Variants in EXOSC8 observed in about 807,000 individuals in gnomAD.
EXOSC8 encodes the protein exosome complex component RRP43.
Under a neutral mutation model 39.9 loss-of-function variants are expected in EXOSC8, and 37 were observed. The observed-to-expected ratio is 0.93, with a 90% CI of 0.71 to 1.22. The LOEUF (loss-of-function observed/expected upper bound fraction) is 1.22. Ranked by LOEUF, EXOSC8 falls within the 50% of genes most tolerant of loss-of-function variation. The probability of loss-of-function intolerance (pLI) is 0.00; values close to 1 mark genes in which losing one functional copy is unlikely to be tolerated. For synonymous variants in EXOSC8, 93 were observed against 109.5 expected, an observed-to-expected ratio of 0.85 and a Z score of 0.94; for missense variants, 313 against 326.6, an observed-to-expected ratio of 0.96 and a Z score of 0.32.
At chr13:37,005,178 T>C (rs2059130253) in intron 5 of EXOSC8, among the ~76,000 whole-genome samples, 1 of 152,218 alleles carries the variant, frequency 6.6e-6, no homozygotes, top group African/African-American at 2.4e-5. Flanking sequence ...ACCTTTTGTT[T>C]CCATAAAGAT....
chr13:37,003,744 G>C (rs964909362), intron 4 of EXOSC8: 2 of 152,234 alleles, frequency 1.3e-5, no homozygotes, highest in African/African-American at 4.8e-5. Context: ...CCTAGGAGTA[G>C]ACACTATTTT....
chr13:37,008,452 A>G (rs2138854711), intron 9 of EXOSC8, among the ~76,000 whole-genome samples: 1 of 152,334 alleles, frequency 6.6e-6, no homozygotes, highest in Non-Finnish European at 1.5e-5. Context: ...GGATTTTAGC[A>G]CGTTCAGAAA....
In EXOSC8 at chr13:37,006,159, A is replaced by G; in HGVS notation, c.389A>G (p.Lys130Arg). 2 of 1,602,560 alleles carry G rather than the reference A, an allele frequency of 1.2e-6. No homozygotes were observed. The highest frequency in any genetic ancestry group is 1.1e-5 in the South Asian group (1 of 90,460). The change falls in exon 7 of 11, where the codon AAG becomes AGG. Residue 130 changes from lysine to arginine, a missense_variant and splice_region_variant. Lys to Arg is a conservative substitution (Grantham distance 26, BLOSUM62 2). Coordinates refer to ENST00000389704, the MANE Select transcript of EXOSC8 (RefSeq NM_181503.3). ...GAGGACTTATGCATTTCTCCAGGAA[A>G]GGTAAGAGGAATAGAGAAGCTATAA... Reference protein sequence around the residue: ...QKEDLCISPGKLVWVLYCDLI... With the variant: ...QKEDLCISPGRLVWVLYCDLI...
At chr13:37,004,445 C>G in intron 4 of EXOSC8, 71 bp from the exon 5 acceptor site, 1 of 1,074,424 alleles carries the variant, frequency 9.3e-7, no homozygotes, top group Non-Finnish European at 1.4e-6. Flanking sequence ...CCTTCCATAA[C>G]TGATTGCTAA....
In EXOSC8 at chr13:37,000,830, T is replaced by TTGGCGGG; in HGVS notation, c.17+17_17+23dup. On this transcript the variant is annotated intron_variant, in intron 1 of 10. Transcript: ENST00000389704. ...GATGGCGGCTGGGTTCAAGTGAGTG[T>TTGGCGGG]TGGCGGGTGGCGGGTAGAGTTCTGT... 1.3e-6 allele frequency: 2 copies of TTGGCGGG among 1,572,362 alleles called. No homozygotes were observed. The highest frequency in any genetic ancestry group is 1.7e-6 in the Non-Finnish European group (2 of 1,159,372).
Position 37,008,040 on chromosome 13 carries a change from A to G in EXOSC8, c.488-17A>G. The G allele has an allele frequency of 1.3e-6, 2 of 1,560,530 alleles. No homozygotes were observed. Among genetic ancestry groups the G allele is most frequent in the Admixed American group, 1.8e-5 (1 of 54,128 alleles). ...TTCTTAGAGACTTACTTACTTTACA[A>G]ATTTGCCTTTTCTTAGTACAGTTGC... is the stretch of plus-strand genomic sequence containing the variant. On this transcript the variant is annotated splice_polypyrimidine_tract_variant and intron_variant, in intron 8 of 10. Transcript: ENST00000389704.
At chr13:37,009,070 T>TTTC in intron 10 of EXOSC8, 114 bp from the exon 11 acceptor site, 1 of 744,420 alleles carries the variant, frequency 1.3e-6, no homozygotes, top group Non-Finnish European at 2.3e-6. Context: ...ATCTTGAGAC[T>TTTC]GTACCCTGAT....
chr13:37,003,058 T>G (rs775039963), intron 4 of EXOSC8, 51 bp downstream of exon 4: 4 of 1,117,086 alleles, frequency 3.6e-6, no homozygotes, highest in Non-Finnish European at 5.5e-6. Context: ...TTAGCTTTAT[T>G]TATTAGATTG....
chr13:37,000,970 C>T, intron 1 of EXOSC8, 148 bp downstream of exon 1: 1 of 1,024,070 alleles, frequency 9.8e-7, no homozygotes, highest in Non-Finnish European at 1.4e-6. Context: ...GCGGGAGGAC[C>T]TGGAGGTTGT....
chr13:37,007,046 T>A lies in EXOSC8; in HGVS notation c.462T>A (p.Phe154Leu). The A allele has an allele frequency of 1.9e-6, 3 of 1,612,936 alleles. No homozygotes were observed. Among genetic ancestry groups the A allele is most frequent in the Non-Finnish European group, 2.5e-6 (3 of 1,178,864 alleles). The change falls in exon 8 of 11, where the codon TTT becomes TTA. Residue 154 changes from phenylalanine (F) to leucine (L), a missense_variant. Phe to Leu is a conservative substitution (Grantham distance 22, BLOSUM62 0). Transcript: ENST00000389704. ...GAAACATTTTGGATGCCTGCACATT[T>A]GCTTTGCTAGCGGCTTTAAAAAATG... Reference protein sequence around the residue: ...YDGNILDACTFALLAALKNVQ... With the variant: ...YDGNILDACTLALLAALKNVQ...
At chr13:37,007,452 A>G (rs1294302146) in intron 8 of EXOSC8, among the ~76,000 whole-genome samples, 1 of 152,220 alleles carries the variant, frequency 6.6e-6, no homozygotes, top group Non-Finnish European at 1.5e-5. Context: ...CCATAGTAAT[A>G]GGGAAGTTTC....
chr13:37,008,829 A>G lies in EXOSC8; in HGVS notation c.709A>G (p.Lys237Glu). 1.3e-6 allele frequency: 2 copies of G among 1,593,568 alleles called. No individual in the cohort carries two copies. The highest frequency in any genetic ancestry group is 1.7e-6 in the Non-Finnish European group (2 of 1,164,796). ...GGAAGGCAAACTCTGTTGTCTTCAC[A>G]AACCAGGCATGTTCCCGCCACTTCA... Reference protein sequence around the residue: ...DEEGKLCCLHKPGGSGLTGAK... With the variant: ...DEEGKLCCLHEPGGSGLTGAK... The change falls in exon 10 of 11, where the codon AAA becomes GAA. Residue 237 changes from lysine to glutamate, a missense_variant. Coordinates refer to ENST00000389704, the MANE Select transcript of EXOSC8 (RefSeq NM_181503.3).
intron 10 of EXOSC8, among the ~76,000 whole-genome samples, 156 bp downstream of exon 10, chr13:37,008,991 A>G (rs190377694): frequency 3.3e-5 from 5 of 152,342 alleles, no homozygotes; most frequent in Non-Finnish European, 5.9e-5. Flanking sequence ...TTAATGGTAT[A>G]TGTCAGTGGT....
chr13:37,000,894 G>C, intron 1 of EXOSC8, 72 bp downstream of exon 1: 1 of 1,435,474 alleles, frequency 7.0e-7, no homozygotes, highest in Non-Finnish European at 9.2e-7. Flanking sequence ...TCTTAGCTGG[G>C]ATTCTCTCAC....
chr13:37,008,178 G>A lies in EXOSC8; in HGVS notation c.608+1G>A. Reference sequence around the variant, plus strand: ...CAACTTCCTTTGCTGTGTTTGATGAGTAAGTTAATCAAACTTACTTTAAAA... The same window carrying A: ...CAACTTCCTTTGCTGTGTTTGATGAATAAGTTAATCAAACTTACTTTAAAA... On this transcript the variant is annotated splice_donor_variant, in intron 9 of 10. Transcript: ENST00000389704. LOFTEE classifies it high-confidence loss of function. 1 of 1,592,154 alleles carries A rather than the reference G, an allele frequency of 6.3e-7. No individual in the cohort carries two copies. The highest frequency in any genetic ancestry group is 1.4e-5 in the African/African-American group (1 of 73,744).
chr13:37,007,203 A>G (rs2059145073), intron 8 of EXOSC8, 132 bp downstream of exon 8: 2 of 674,942 alleles, frequency 3.0e-6, no homozygotes, highest in Non-Finnish European at 5.4e-6. Context: ...CTTTCCAAAT[A>G]TAGTTGATAG....
In EXOSC8 at chr13:37,005,905, G is replaced by A. The variant is rs760654058; in HGVS notation, c.239-15G>A. ...AAAAAAGGTTTAGTTCATAGCTGCA[G>A]AGTGTTTCTTTCAGTTCCTAATGTG... On this transcript the variant is annotated splice_polypyrimidine_tract_variant and intron_variant, in intron 5 of 10. Transcript: ENST00000389704. 4.0e-6 allele frequency: 4 copies of A among 1,006,274 alleles called. No homozygotes were observed. The Admixed American group carries it at 7.6e-5, about 19-fold the overall frequency. 62.3% of individuals were successfully genotyped at this position (1,006,274 alleles called of 1,614,324 possible). A position where few individuals can be genotyped will look rare whatever the true frequency, so the allele number is the denominator to read the frequency against.
rs1432628910 is a variant in EXOSC8 at position 37,009,565 on chromosome 13, A to G, written c.*266A>G. The G allele has an allele frequency of 2.4e-6, 3 of 1,271,884 alleles. No homozygotes were observed. Among genetic ancestry groups the G allele is most frequent in the Admixed American group, 3.5e-5 (2 of 56,984 alleles). 78.8% of individuals were successfully genotyped at this position (1,271,884 alleles called of 1,614,324 possible). ...GCTTCTGTATAAAGTTTGTACATCT[A>G]GCAATGTAAAATACTGACACATTAA... On this transcript the variant is annotated 3_prime_UTR_variant, in exon 11 of 11. Transcript: ENST00000389704.
intron 4 of EXOSC8, 165 bp downstream of exon 4, chr13:37,003,172 A>C: frequency 2.0e-6 from 1 of 501,286 alleles, no homozygotes; most frequent in Non-Finnish European, 3.5e-6. Flanking sequence ...AATATGACCC[A>C]AGTTTAATGA....
Sources: gnomAD v4.1 joint callset for allele counts (sites outside exome capture counted in the v4.1 genomes callset) on GRCh38, gnomAD v4.1.1 for gene constraint, MANE v1.5 for transcripts, NCBI Gene and HGNC (gene_info 2026-07-23, HGNC 2026-07-21) for gene names.